Variants in GFI1B observed in about 807,000 individuals in gnomAD.
GFI1B encodes zinc finger protein Gfi-1b.
GFI1B carries 20 observed loss-of-function variants against 35.3 expected under a neutral mutation model. The observed-to-expected ratio is 0.57, with a 90% confidence interval of 0.40 to 0.82. GFI1B has a LOEUF of 0.82. Among genes scored for constraint, GFI1B ranks in the 40% least tolerant of loss-of-function variants. The pLI, the probability that GFI1B is intolerant of heterozygous loss-of-function variation, is 0.00. For synonymous variants in GFI1B, 178 were observed against 177.6 expected (o/e 1.00, Z -0.02); for missense variants, 430 against 446.3 (o/e 0.96, Z 0.33).
intron 1 of GFI1B, among the ~76,000 whole-genome samples, chr9:132,961,122 C>T (rs572493502): frequency 1.8e-4 from 28 of 152,172 alleles, no homozygotes; most frequent in Middle Eastern, 6.8e-3. Context: ...TGAAATCATA[C>T]GAGTGCAAGA....
intron 1 of GFI1B, among the ~76,000 whole-genome samples, chr9:132,982,028 C>T (rs1564532240): frequency 6.6e-6 from 1 of 152,228 alleles, no homozygotes; most frequent in Non-Finnish European, 1.5e-5. Context: ...GCTGGGATTA[C>T]AGGCGTGAGC....
chr9:132,988,134 C>A, intron 3 of GFI1B, 63 bp from the exon 4 acceptor site: 2 of 1,496,160 alleles, frequency 1.3e-6, no homozygotes, highest in Non-Finnish European at 1.9e-6. Flanking sequence ...GCATGAGCCA[C>A]GCCACTGTGC....
upstream of GFI1B, among the ~76,000 whole-genome samples, chr9:132,975,723 A>T (rs1304135119): frequency 6.6e-6 from 1 of 152,232 alleles, no homozygotes; most frequent in East Asian, 1.9e-4. Context: ...CACGAAAGGT[A>T]CCTAATGGTA....
chr9:132,952,948 C>G (rs561033905), intron 1 of GFI1B: 1 of 152,282 alleles, frequency 6.6e-6, no homozygotes, highest in South Asian at 2.1e-4. Flanking sequence ...ACTCCTAGGA[C>G]AAGCACAACT....
intron 1 of GFI1B, among the ~76,000 whole-genome samples, chr9:132,969,751 A>G (rs1380966226): frequency 1.3e-5 from 2 of 152,196 alleles, no homozygotes; most frequent in Admixed American, 1.3e-4. Context: ...CAAACCATTC[A>G]TCTTGCAGAA....
In GFI1B at chr9:132,990,947, A is replaced by T. The variant is rs770622297; in HGVS notation, c.890A>T (p.Lys297Met). ...TCCAACCTCATCACCCACAGCCGCAAGCACACAGGCTTCAAGCCCTTCAGC... is the reference window on the plus strand; with the variant it reads ...TCCAACCTCATCACCCACAGCCGCATGCACACAGGCTTCAAGCCCTTCAGC... ...QSSNLITHSR[K>M]HTGFKPFSCE... is the part of the protein sequence containing the mutation. The change falls in exon 7 of 7, where the codon AAG becomes ATG. Residue 297 changes from lysine (K) to methionine (M), a missense_variant. By Grantham distance (95) the Lys-to-Met change is moderately conservative. Transcript: ENST00000372122. The T allele has an allele frequency of 1.9e-6, 3 of 1,614,078 alleles. No homozygotes were observed. The African/African-American group carries it at 4.0e-5, about 22-fold the overall frequency.
At chr9:132,961,973 T>G (rs3011257) in intron 1 of GFI1B, among the ~76,000 whole-genome samples, 130,948 of 151,500 alleles carry the variant, frequency 0.86, 56,817 homozygotes, top group African/African-American at 0.92. Flanking sequence ...AGGACAGGAC[T>G]GCACACCCTC....
At chr9:132,948,271 C>G (rs1403871666) in intron 1 of GFI1B, among the ~76,000 whole-genome samples, 1 of 152,080 alleles carries the variant, frequency 6.6e-6, no homozygotes, top group African/African-American at 2.4e-5. Flanking sequence ...CTCTCCCTTC[C>G]CCCGTCCTAC....
intron 3 of GFI1B, among the ~76,000 whole-genome samples, 195 bp from the exon 4 acceptor site, chr9:132,988,002 G>A (rs1849138297): frequency 6.6e-6 from 1 of 152,030 alleles, no homozygotes; most frequent in Non-Finnish European, 1.5e-5. Context: ...GAGCCACCAC[G>A]CCTGGCTAAT....
intron 2 of GFI1B, 51 bp downstream of exon 2, chr9:132,986,829 C>T (rs373220311): frequency 5.7e-5 from 65 of 1,137,234 alleles, no homozygotes; most frequent in East Asian, 2.7e-4. Flanking sequence ...GGGCTCTCTG[C>T]TCTGCGTGAT....
At chr9:132,959,528 A>G (rs1848334339) in intron 1 of GFI1B, among the ~76,000 whole-genome samples, 1 of 152,262 alleles carries the variant, frequency 6.6e-6, no homozygotes. Context: ...GTGCCCACGC[A>G]GTGTGAGCAC....
At chr9:132,992,467 C>A (rs748360644), downstream of GFI1B, among the ~76,000 whole-genome samples, 1 of 152,150 alleles carries the variant, frequency 6.6e-6, no homozygotes, top group Non-Finnish European at 1.5e-5. Context: ...AGTTCCTGAA[C>A]CTCTCTGGGG....
At chr9:132,971,113 C>T (rs982928145) in intron 1 of GFI1B, among the ~76,000 whole-genome samples, 2 of 152,228 alleles carry the variant, frequency 1.3e-5, no homozygotes, top group African/African-American at 4.8e-5. Flanking sequence ...AATCCTCCCA[C>T]GTCAGTCCCC....
Position 132,991,315 on chromosome 9 carries a change from C to T in GFI1B, c.*265C>T. 1 of 527,410 alleles carries T rather than the reference C, an allele frequency of 1.9e-6. No individual in the cohort carries two copies. The highest frequency in any genetic ancestry group is 3.4e-6 in the Non-Finnish European group (1 of 290,054). The allele number at this position is 527,410 out of a possible 1,614,324, so 32.7% of individuals were successfully genotyped here. On this transcript the variant is annotated 3_prime_UTR_variant, in exon 7 of 7. Coordinates refer to ENST00000372122, the MANE Select transcript of GFI1B (RefSeq NM_001377304.1). ...TTTCCAGGTGTGCTCAAGTGCCTTCCTCTAGCAGAGCACAGAAAGCTAGAA... is the reference window on the plus strand; with the variant it reads ...TTTCCAGGTGTGCTCAAGTGCCTTCTTCTAGCAGAGCACAGAAAGCTAGAA...
At chr9:132,992,820 C>G (rs535430147), downstream of GFI1B, among the ~76,000 whole-genome samples, 30 of 152,294 alleles carry the variant, frequency 2.0e-4, no homozygotes, top group African/African-American at 7.0e-4. Flanking sequence ...CCCCACCCCC[C>G]ATCCCACACC....
At chr9:132,952,768 G>A (rs544275452) in intron 1 of GFI1B, 19 of 152,356 alleles carry the variant, frequency 1.2e-4, no homozygotes, top group African/African-American at 4.6e-4. Flanking sequence ...CAGTAGGTAT[G>A]ATGTTTGCTC....
At chr9:132,969,597 G>A (rs1848502772) in intron 1 of GFI1B, among the ~76,000 whole-genome samples, 1 of 152,170 alleles carries the variant, frequency 6.6e-6, no homozygotes, top group Non-Finnish European at 1.5e-5. Flanking sequence ...TGTGAACACG[G>A]GTGTGCAAAG....
chr9:132,980,177 A>T (rs775250337), intron 1 of GFI1B, among the ~76,000 whole-genome samples: 1 of 152,200 alleles, frequency 6.6e-6, no homozygotes, highest in Non-Finnish European at 1.5e-5. Flanking sequence ...GGAATCACTC[A>T]AAACCAGCGC....
chr9:132,952,470 T>G (rs975538715), intron 1 of GFI1B: 1 of 151,850 alleles, frequency 6.6e-6, no homozygotes, highest in Non-Finnish European at 1.5e-5. Context: ...CATGCCTGGT[T>G]AATTTTCAAA....
Sources: gnomAD v4.1 joint callset for allele counts (sites outside exome capture counted in the v4.1 genomes callset) on GRCh38, gnomAD v4.1.1 for gene constraint, MANE v1.5 for transcripts, NCBI Gene and HGNC (gene_info 2026-07-23, HGNC 2026-07-21) for gene names.